Variants in HHLA2 observed in about 807,000 individuals in gnomAD.
HHLA2 encodes the protein HERV-H LTR-associating protein 2.
In HHLA2, 48 loss-of-function variants were observed where a neutral mutation model predicts 45.9. The observed-to-expected ratio is 1.05, with a 90% CI of 0.83 to 1.33. HHLA2 has a LOEUF of 1.33. Ranked by LOEUF, HHLA2 falls within the 40% of genes most tolerant of loss-of-function variation. The probability of loss-of-function intolerance (pLI) is 0.00; values close to 1 mark genes in which losing one functional copy is unlikely to be tolerated. For missense variants in HHLA2, 462 were observed against 494.3 expected (o/e 0.93, Z 0.62); for synonymous variants, 161 against 173.9 (o/e 0.93, Z 0.59).
chr3:108,336,325 A>G (rs2081471266), intron 3 of HHLA2, among the ~76,000 whole-genome samples: 1 of 152,154 alleles, frequency 6.6e-6, no homozygotes, highest in African/African-American at 2.4e-5. Context: ...TAGTGTTTGA[A>G]ATAAGAAATA....
intron 2 of HHLA2, among the ~76,000 whole-genome samples, chr3:108,324,339 C>T (rs2081253164): frequency 6.6e-6 from 1 of 152,074 alleles, no homozygotes; most frequent in South Asian, 2.1e-4. Flanking sequence ...CTGTTCCATG[C>T]CTTATTTTAT....
Position 108,328,348 on chromosome 3 carries a change from G to T in HHLA2, c.-27+1G>T. On this transcript the variant is annotated splice_donor_variant, in intron 3 of 10. Coordinates refer to ENST00000619531, the Ensembl canonical transcript of HHLA2. LOFTEE classifies it low-confidence loss of function (5UTR_SPLICE). Reference sequence around the variant, plus strand: ...TAAAGCCTAGAACGCACCTCCTCTGGTAAGTAGGGAGATATACAATGAGGT... The same window carrying T: ...TAAAGCCTAGAACGCACCTCCTCTGTTAAGTAGGGAGATATACAATGAGGT... 6.5e-7 allele frequency: 1 copy of T among 1,526,728 alleles called. No homozygotes were observed. Among genetic ancestry groups the T allele is most frequent in the South Asian group, 1.2e-5 (1 of 82,888 alleles). 94.6% of individuals were successfully genotyped at this position (1,526,728 alleles called of 1,614,324 possible).
intron 3 of HHLA2, among the ~76,000 whole-genome samples, chr3:108,335,873 T>C (rs1422817085): frequency 6.6e-6 from 1 of 152,024 alleles, no homozygotes; most frequent in Non-Finnish European, 1.5e-5. Flanking sequence ...ACCATGCTAA[T>C]ACAGTAGCTG....
intron 8 of HHLA2, among the ~76,000 whole-genome samples, chr3:108,366,292 C>T (rs1023075265): frequency 7.9e-5 from 12 of 152,168 alleles, no homozygotes; most frequent in African/African-American, 2.7e-4. Context: ...TATTGATTTG[C>T]ATATGTTGAA....
intron 3 of HHLA2, among the ~76,000 whole-genome samples, chr3:108,338,947 A>G (rs1416167425): frequency 6.6e-6 from 1 of 152,244 alleles, no homozygotes; most frequent in East Asian, 1.9e-4. Flanking sequence ...CAATGTTTTC[A>G]GGAGACTAAG....
At position 108,340,868 on chromosome 3, in the gene HHLA2, T is replaced by A. The variant is rs867094390; in HGVS notation, c.-26-10920T>A. ...GAAAGAAAGAAAGAAACAGGGGTCC[T>A]GGAGAGTAAAATAGCCAAACTCTTT... On this transcript the variant is annotated intron_variant, in intron 3 of 10. Transcript: ENST00000619531. Among the ~76,000 whole-genome samples, 4 of 150,216 alleles carry A rather than the reference T, an allele frequency of 2.7e-5. No homozygotes were observed. The South Asian group carries it at 8.4e-4, about 32-fold the overall frequency.
chr3:108,329,747 C>T (rs73204177), intron 3 of HHLA2, among the ~76,000 whole-genome samples: 6,127 of 152,164 alleles, frequency 0.04, 185 homozygotes, highest in Non-Finnish European at 0.054. Flanking sequence ...CTGTGCTTCT[C>T]CCGTATTGCT....
chr3:108,362,408 C>A (rs1560266992), exon 8 of HHLA2: 1 of 1,612,368 alleles, frequency 6.2e-7, no homozygotes, highest in Non-Finnish European at 8.5e-7. Context: ...GCGATTTTGG[C>A]AGCTTTTCTG....
At chr3:108,369,362 C>A (rs530807628) in intron 8 of HHLA2, among the ~76,000 whole-genome samples, 2 of 152,208 alleles carry the variant, frequency 1.3e-5, no homozygotes, top group South Asian at 4.2e-4. Flanking sequence ...AGGAACAGCT[C>A]CGGTCTACAG....
At chr3:108,296,769 AC>A (rs1190276314) in intron 1 of HHLA2, among the ~76,000 whole-genome samples, 170 bp downstream of exon 1, 1 of 152,258 alleles carries the variant, frequency 6.6e-6, no homozygotes, top group Admixed American at 6.5e-5. Context: ...TATGCACCAA[AC>A]AAATACTTAG....
chr3:108,351,777 C>A lies in HHLA2; in HGVS notation c.-26-11C>A. ...AATCCATAACATGTGCACTTTACTT[C>A]TCTTTGATAGCATGACTAATATGTT... On this transcript the variant is annotated splice_polypyrimidine_tract_variant and intron_variant, in intron 3 of 10. Coordinates refer to ENST00000619531, the Ensembl canonical transcript of HHLA2. 10 of 1,588,688 alleles carry A rather than the reference C, an allele frequency of 6.3e-6. No homozygotes were observed. The highest frequency in any genetic ancestry group is 8.6e-6 in the Non-Finnish European group (10 of 1,159,478).
chr3:108,358,114 T>G, exon 7 of HHLA2: 1 of 1,613,284 alleles, frequency 6.2e-7, no homozygotes, highest in Non-Finnish European at 8.5e-7. Flanking sequence ...TTATGCAATA[T>G]TTCTTCGGAT....
At chr3:108,333,174 C>T (rs911425135) in intron 3 of HHLA2, among the ~76,000 whole-genome samples, 1 of 152,082 alleles carries the variant, frequency 6.6e-6, no homozygotes, top group African/African-American at 2.4e-5. Context: ...GATACCAAAA[C>T]GAAGAGAATG....
chr3:108,323,161 T>G (rs2081233875), intron 2 of HHLA2, among the ~76,000 whole-genome samples: 1 of 149,564 alleles, frequency 6.7e-6, no homozygotes, highest in Non-Finnish European at 1.5e-5. Flanking sequence ...GGCAGTGAGG[T>G]GGGGATGGTT....
intron 2 of HHLA2, among the ~76,000 whole-genome samples, chr3:108,314,717 T>TA (rs1158559383): frequency 7.9e-5 from 12 of 152,288 alleles, no homozygotes; most frequent in African/African-American, 2.4e-4. Context: ...GTGGATGAAA[T>TA]ACATTATTTT....
intron 8 of HHLA2, among the ~76,000 whole-genome samples, chr3:108,369,235 G>T (rs1466842690): frequency 6.6e-6 from 1 of 152,160 alleles, no homozygotes; most frequent in Non-Finnish European, 1.5e-5. Context: ...TGTTGAGAGG[G>T]AAATTTGTAG....
chr3:108,373,266 C>G (rs1163110429), intron 8 of HHLA2, among the ~76,000 whole-genome samples: 2 of 152,126 alleles, frequency 1.3e-5, no homozygotes, highest in Non-Finnish European at 2.9e-5. Context: ...AGGCCTTTGA[C>G]ACAATTCAAC....
At chr3:108,309,785 A>G (rs1259002490) in intron 1 of HHLA2, among the ~76,000 whole-genome samples, 2 of 151,876 alleles carry the variant, frequency 1.3e-5, no homozygotes, top group South Asian at 2.1e-4. Flanking sequence ...TAAAATTACT[A>G]TTTTTTCCCC....
intron 2 of HHLA2, among the ~76,000 whole-genome samples, chr3:108,316,851 A>G (rs2081111844): frequency 6.6e-6 from 1 of 152,210 alleles, no homozygotes; most frequent in African/African-American, 2.4e-5. Context: ...TAGGAATTTA[A>G]CTGGTCCATG....
Sources: allele counts gnomAD v4.1 joint callset (sites outside exome capture counted in the v4.1 genomes callset), GRCh38; gene constraint gnomAD v4.1.1; transcripts MANE v1.5; gene names NCBI Gene and HGNC (gene_info 2026-07-23, HGNC 2026-07-21).